Variants in MS4A12 observed in about 807,000 individuals in gnomAD.
MS4A12 encodes the protein membrane spanning 4-domains A12.
MS4A12 carries 28 observed loss-of-function variants against 23.7 expected under a neutral mutation model. The ratio of observed to expected loss-of-function variants is 1.18; its 90% CI spans 0.88 to 1.62. The LOEUF (loss-of-function observed/expected upper bound fraction) is 1.62. Ranked by LOEUF, MS4A12 falls within the 40% of genes most tolerant of loss-of-function variation. MS4A12 has a pLI of 0.00. For synonymous variants in MS4A12, 108 were observed against 110.1 expected (o/e 0.98, Z 0.12); for missense variants, 342 against 327.0 (o/e 1.05, Z -0.35).
intron 5 of MS4A12, among the ~76,000 whole-genome samples, chr11:60,504,357 T>C (rs2086554811): frequency 6.6e-6 from 1 of 152,030 alleles, no homozygotes; most frequent in Non-Finnish European, 1.5e-5. Flanking sequence ...TAAGAGGAAA[T>C]GGGTGGCCCA....
chr11:60,492,859 C>G (rs1279759009), intron 1 of MS4A12, 31 bp downstream of exon 1: 1 of 152,236 alleles, frequency 6.6e-6, no homozygotes, highest in Admixed American at 6.5e-5. Context: ...TTGCCTATCT[C>G]TCCTCCAAAT....
Position 60,506,790 on chromosome 11 carries a change from T to TTG in MS4A12, c.654_655dup (p.Ala219ValfsTer30). 1 of 1,614,192 alleles carries TTG rather than the reference T, an allele frequency of 6.2e-7. No homozygotes were observed. Among genetic ancestry groups the TTG allele is most frequent in the Non-Finnish European group, 8.5e-7 (1 of 1,180,004 alleles). ...TCTCCCTCTTGGAGTTCTTCGTAGC[T>TTG]TGTGCCACAGCCCATTTTGCCAACC... On this transcript the variant is annotated frameshift_variant, in exon 6 of 7. Coordinates refer to ENST00000016913, the MANE Select transcript of MS4A12 (RefSeq NM_017716.3). LOFTEE classifies it low-confidence loss of function (END_TRUNC).
rs150648260 is a variant in MS4A12 at position 60,496,777 on chromosome 11, C to T, written c.-6-536C>T. On this transcript the variant is annotated intron_variant, in intron 1 of 6. Transcript: ENST00000016913. Reference sequence around the variant, plus strand: ...AGGTGTCAGCAGAGTCATGTTCCTTCCTGGAGACTCTAGGGAAGAATCTGT... The same window carrying T: ...AGGTGTCAGCAGAGTCATGTTCCTTTCTGGAGACTCTAGGGAAGAATCTGT... Among the ~76,000 whole-genome samples, 319 of 152,304 alleles carry T rather than the reference C, an allele frequency of 2.1e-3. 2 individuals are homozygous for T. Among genetic ancestry groups the T allele is most frequent in the Non-Finnish European group, 1.7e-3 (117 of 68,018 alleles).
chr11:60,502,795 C>A (rs1211174615), intron 4 of MS4A12, among the ~76,000 whole-genome samples: 4 of 152,140 alleles, frequency 2.6e-5, no homozygotes, highest in Non-Finnish European at 5.9e-5. Context: ...ATAATTAAAT[C>A]AAATTAAAAT....
At chr11:60,498,247 G>A (rs949673910) in intron 2 of MS4A12, among the ~76,000 whole-genome samples, 6 of 152,100 alleles carry the variant, frequency 3.9e-5, no homozygotes, top group Admixed American at 2.0e-4. Flanking sequence ...CATTCATCCC[G>A]CTAGCACAAT....
intron 5 of MS4A12, among the ~76,000 whole-genome samples, chr11:60,506,370 T>A (rs942257679): frequency 2.6e-5 from 4 of 152,228 alleles, no homozygotes; most frequent in Non-Finnish European, 5.9e-5. Context: ...TTTTGGTTAT[T>A]TCTAAACACT....
chr11:60,502,911 C>T (rs2086541879), intron 4 of MS4A12, among the ~76,000 whole-genome samples: 1 of 152,154 alleles, frequency 6.6e-6, no homozygotes, highest in South Asian at 2.1e-4. Flanking sequence ...TTGAGATTGT[C>T]GAAGCATAGA....
intron 2 of MS4A12, among the ~76,000 whole-genome samples, chr11:60,500,114 G>A (rs1010625611): frequency 2.0e-5 from 3 of 151,974 alleles, no homozygotes; most frequent in African/African-American, 7.2e-5. Flanking sequence ...GGTGGCGGGA[G>A]CCTGTAGTCC....
intron 5 of MS4A12, 148 bp downstream of exon 5, chr11:60,503,965 CTA>C: frequency 1.5e-6 from 1 of 656,436 alleles, no homozygotes; most frequent in Admixed American, 3.3e-5. Context: ...ATCTCTAGGA[CTA>C]TAGAATAAAG....
rs1282241374 is a variant in MS4A12 at position 60,506,848 on chromosome 11, G to A, written c.699+10G>A. 6 of 1,606,124 alleles carry A rather than the reference G, an allele frequency of 3.7e-6. No homozygotes were observed. The highest frequency in any genetic ancestry group is 2.7e-5 in the African/African-American group (2 of 74,734). On this transcript the variant is annotated intron_variant, in intron 6 of 6. Transcript: ENST00000016913. ...CACCACAACCAATATGGTGAGTTGG[G>A]TCTCTTCTTTGTAAAATAATCTGAA...
intron 2 of MS4A12, 71 bp downstream of exon 2, chr11:60,497,665 C>T (rs781760104): frequency 6.7e-7 from 1 of 1,482,688 alleles, no homozygotes; most frequent in Non-Finnish European, 9.3e-7. Context: ...AGGAGAGTAT[C>T]ATCCAATTGC....
At chr11:60,499,794 C>T (rs1489524870) in intron 2 of MS4A12, among the ~76,000 whole-genome samples, 1 of 152,104 alleles carries the variant, frequency 6.6e-6, no homozygotes, top group African/African-American at 2.4e-5. Flanking sequence ...AATTACAAAT[C>T]TACAATCAAG....
At chr11:60,504,239 A>AAACCC (rs2086553828) in intron 5 of MS4A12, among the ~76,000 whole-genome samples, 1 of 152,260 alleles carries the variant, frequency 6.6e-6, no homozygotes, top group Admixed American at 6.5e-5. Context: ...TTTTACAGAG[A>AAACCC]AACCCAAGGA....
At position 60,499,339 on chromosome 11, in the gene MS4A12, G is replaced by A. The variant is rs554390546; in HGVS notation, c.277-1706G>A. Among the ~76,000 whole-genome samples the A allele has an allele frequency of 8.1e-4, 123 of 152,266 alleles. No individual in the cohort carries two copies. The Middle Eastern group carries it at 0.01, about 13-fold the overall frequency. On this transcript the variant is annotated intron_variant, in intron 2 of 6. Coordinates refer to ENST00000016913, the MANE Select transcript of MS4A12 (RefSeq NM_017716.3). ...TTTGATCAGTAGATGGTACAGCCAG[G>A]GCTGTAGGAGGAGAAATGAGGGCCA...
At chr11:60,502,811 A>T (rs2086541301) in intron 4 of MS4A12, among the ~76,000 whole-genome samples, 2 of 152,234 alleles carry the variant, frequency 1.3e-5, no homozygotes, top group Admixed American at 1.3e-4. Flanking sequence ...AAAATAAAAT[A>T]AGCCTAATTC....
In MS4A12 at chr11:60,506,820, A is replaced by C. The variant is rs1358073839; in HGVS notation, c.681A>C (p.Ala227=). 4 of 1,613,648 alleles carry C rather than the reference A, an allele frequency of 2.5e-6. No homozygotes were observed. Among genetic ancestry groups the C allele is most frequent in the South Asian group, 2.2e-5 (2 of 91,070 alleles). The change falls in exon 6 of 7, where the codon GCA becomes GCC. Residue 227 remains alanine (A), a synonymous_variant. Transcript: ENST00000016913. ...CCACAGCCCATTTTGCCAACCAAGC[A>C]AACACCACAACCAATATGGTGAGTT... ...ACATAHFANQ[A]NTTTNMSVLV...
intron 1 of MS4A12, among the ~76,000 whole-genome samples, chr11:60,496,229 T>C (rs1355321166): frequency 6.6e-6 from 1 of 152,204 alleles, no homozygotes; most frequent in African/African-American, 2.4e-5. Flanking sequence ...ATTCATAGTA[T>C]TCATACTTCA....
intron 2 of MS4A12, among the ~76,000 whole-genome samples, chr11:60,499,110 C>G (rs1341430633): frequency 6.7e-6 from 1 of 148,992 alleles, no homozygotes; most frequent in Non-Finnish European, 1.5e-5. Flanking sequence ...TTCAAAATCT[C>G]CAGTTGGCAG....
At position 60,506,891 on chromosome 11, in the gene MS4A12, C is replaced by G. The variant is rs1203013455; in HGVS notation, c.699+53C>G. ...AATCTGAAAATGCCCTGGAGAAATA[C>G]AGACTTGTGTCTGCTAAATCCTACT... is the stretch of plus-strand genomic sequence containing the variant. On this transcript the variant is annotated intron_variant, in intron 6 of 6. Transcript: ENST00000016913. 1.2e-5 allele frequency: 19 copies of G among 1,559,584 alleles called. No homozygotes were observed. In the East Asian group the frequency reaches 4.3e-4, roughly 35 times the overall value.
Sources: allele counts gnomAD v4.1 joint callset (sites outside exome capture counted in the v4.1 genomes callset), GRCh38; gene constraint gnomAD v4.1.1; transcripts MANE v1.5; gene names NCBI Gene and HGNC (gene_info 2026-07-23, HGNC 2026-07-21).